Variants in CD99L2 observed in about 807,000 individuals in gnomAD.
The protein encoded by CD99L2 is CD99 antigen-like protein 2.
Under a neutral mutation model 27.3 loss-of-function variants are expected in CD99L2, and 24 were observed. That is an observed-to-expected ratio of 0.88 (90% CI 0.64 to 1.24). CD99L2 has a LOEUF of 1.24. Among genes scored for constraint, CD99L2 ranks in the 50% most tolerant of loss-of-function variants. The pLI is 0.00. For missense variants in CD99L2, 255 were observed against 221.6 expected, an observed-to-expected ratio of 1.15 and a Z score of -0.96; for synonymous variants, 97 against 87.9, an observed-to-expected ratio of 1.10 and a Z score of -0.58.
chrX:150,767,872 G>A lies in CD99L2; in HGVS notation c.*1162C>T, dbSNP rs1453710277. Reference sequence around the variant, plus strand: ...AGCTCACCGGGACAGAACCATATGTGGGCCAAAGGAACATTCCAGGAAACC... The same window carrying A: ...AGCTCACCGGGACAGAACCATATGTAGGCCAAAGGAACATTCCAGGAAACC... On this transcript the variant is annotated 3_prime_UTR_variant, in exon 11 of 11. Transcript: ENST00000370377. The A allele has an allele frequency of 9.0e-6, 1 of 111,410 alleles. No homozygotes were observed. Among genetic ancestry groups the A allele is most frequent in the Non-Finnish European group, 1.9e-5 (1 of 52,983 alleles). The allele number at this position is 111,410 out of a possible 1,213,427, so 9.2% of individuals were successfully genotyped here. A position where few individuals can be genotyped will look rare whatever the true frequency, so the allele number is the denominator to read the frequency against.
intron 2 of CD99L2, among the ~76,000 whole-genome samples, chrX:150,830,081 G>T (rs1328336710): frequency 2.0e-4 from 22 of 110,499 alleles, no homozygotes; most frequent in African/African-American, 7.3e-4. Flanking sequence ...CTTGAACCTA[G>T]GAGGGGGAGG....
chrX:150,823,514 G>A (rs1282382430), intron 2 of CD99L2, among the ~76,000 whole-genome samples: 2 of 110,800 alleles, frequency 1.8e-5, no homozygotes, highest in Non-Finnish European at 3.8e-5. Flanking sequence ...TCAAACTCCT[G>A]ACCCCAAGTG....
At chrX:150,873,092 C>T (rs961387311) in intron 1 of CD99L2, among the ~76,000 whole-genome samples, 3 of 112,383 alleles carry the variant, frequency 2.7e-5, no homozygotes, top group African/African-American at 6.5e-5. Context: ...TGGTTACCGA[C>T]GAGCATGAAC....
At chrX:150,776,522 G>C (rs1270698107) in intron 8 of CD99L2, among the ~76,000 whole-genome samples, 1 of 111,923 alleles carries the variant, frequency 8.9e-6, no homozygotes. Flanking sequence ...CTTTTGAGGA[G>C]CTTGAAAGGG....
intron 2 of CD99L2, among the ~76,000 whole-genome samples, chrX:150,817,264 G>A (rs1354008806): frequency 2.8e-5 from 3 of 109,073 alleles, no homozygotes; most frequent in Non-Finnish European, 5.7e-5. Flanking sequence ...GACCCCAAGA[G>A]GCTTGCAGCA....
chrX:150,829,850 A>AT (rs1457889131), intron 2 of CD99L2, among the ~76,000 whole-genome samples: 7 of 111,459 alleles, frequency 6.3e-5, no homozygotes, highest in Non-Finnish European at 9.4e-5. Context: ...AGTAGTTATC[A>AT]TTTTTTAAAA....
At chrX:150,833,089 T>G (rs1234267031) in intron 1 of CD99L2, among the ~76,000 whole-genome samples, 1 of 106,211 alleles carries the variant, frequency 9.4e-6, no homozygotes, top group African/African-American at 3.4e-5. Flanking sequence ...CAGAAAACTA[T>G]GAGAACTGAT....
chrX:150,864,003 T>C (rs782287671), intron 1 of CD99L2, among the ~76,000 whole-genome samples: 4 of 112,257 alleles, frequency 3.6e-5, no homozygotes, highest in East Asian at 2.8e-4. Context: ...GATCTCAGAC[T>C]TCTAGCCTCC....
chrX:150,895,362 C>T (rs1456297792), intron 1 of CD99L2, among the ~76,000 whole-genome samples: 1 of 111,767 alleles, frequency 8.9e-6, no homozygotes. Context: ...CTGAAAAGCC[C>T]TCTGTAATTA....
At chrX:150,897,883 A>G (rs1378330314) in intron 1 of CD99L2, among the ~76,000 whole-genome samples, 3 of 110,848 alleles carry the variant, frequency 2.7e-5, no homozygotes, top group Non-Finnish European at 5.7e-5. Context: ...GGTGATGCCT[A>G]TGCGGCTGGG....
At chrX:150,839,874 A>C (rs1557421324) in intron 1 of CD99L2, among the ~76,000 whole-genome samples, 1 of 109,252 alleles carries the variant, frequency 9.2e-6, no homozygotes, top group Non-Finnish European at 1.9e-5. Context: ...ATCTCTACTA[A>C]GAATAAAAAA....
intron 4 of CD99L2, among the ~76,000 whole-genome samples, chrX:150,807,994 C>T (rs147486735): frequency 2.4e-3 from 267 of 112,565 alleles, no homozygotes; most frequent in Admixed American, 3.3e-3. Flanking sequence ...CACATGCATA[C>T]GTATACCTAC....
intron 7 of CD99L2, among the ~76,000 whole-genome samples, chrX:150,782,843 A>G (rs2045534552): frequency 9.0e-6 from 1 of 111,002 alleles, no homozygotes. Flanking sequence ...TAGGGTTTCA[A>G]CACATGAATT....
intron 7 of CD99L2, among the ~76,000 whole-genome samples, chrX:150,790,176 G>A (rs1203110333): frequency 9.1e-6 from 1 of 110,176 alleles, no homozygotes; most frequent in African/African-American, 3.3e-5. Flanking sequence ...CAGTGGTTGC[G>A]CTAATAGAAA....
At chrX:150,817,376 A>G (rs2046178682) in intron 2 of CD99L2, among the ~76,000 whole-genome samples, 1 of 111,194 alleles carries the variant, frequency 9.0e-6, no homozygotes, top group Admixed American at 9.6e-5. Context: ...TAACATATTA[A>G]GATCCTCAAA....
chrX:150,789,460 C>G (rs2045651318), intron 7 of CD99L2, among the ~76,000 whole-genome samples: 1 of 112,065 alleles, frequency 8.9e-6, no homozygotes, highest in South Asian at 3.7e-4. Context: ...AGTCCTTTAT[C>G]AGGTATATGA....
intron 1 of CD99L2, among the ~76,000 whole-genome samples, chrX:150,886,868 A>G (rs1186181784): frequency 1.8e-5 from 2 of 112,010 alleles, no homozygotes; most frequent in South Asian, 3.7e-4. Context: ...TCAATAGTCT[A>G]TCTAGGAGAG....
intron 2 of CD99L2, among the ~76,000 whole-genome samples, chrX:150,823,139 T>C (rs1215146620): frequency 8.9e-6 from 1 of 112,532 alleles, no homozygotes; most frequent in East Asian, 2.8e-4. Context: ...TATGAGTCAA[T>C]TAACTCTCTC....
At chrX:150,881,123 A>C (rs1020993011) in intron 1 of CD99L2, among the ~76,000 whole-genome samples, 1 of 111,024 alleles carries the variant, frequency 9.0e-6, no homozygotes, top group African/African-American at 3.3e-5. Context: ...CTTCACCCCA[A>C]GTCATCCTGC....
Sources: gnomAD v4.1 joint callset for allele counts (sites outside exome capture counted in the v4.1 genomes callset) on GRCh38, gnomAD v4.1.1 for gene constraint, MANE v1.5 for transcripts, NCBI Gene and HGNC (gene_info 2026-07-23, HGNC 2026-07-21) for gene names.